KIF13B: variants seen among roughly 807,000 people sequenced by gnomAD.
KIF13B encodes kinesin family member 13B.
In KIF13B, 127 loss-of-function variants were observed where a neutral mutation model predicts 222.0. The ratio of observed to expected loss-of-function variants is 0.57; its 90% CI spans 0.50 to 0.66. KIF13B has a LOEUF of 0.66. Among genes scored for constraint, KIF13B ranks in the 30% least tolerant of loss-of-function variants. The pLI, the probability that KIF13B is intolerant of heterozygous loss-of-function variation, is 0.00. For synonymous variants in KIF13B, 976 were observed against 919.0 expected, an observed-to-expected ratio of 1.06 and a Z score of -1.12; for missense variants, 2,173 against 2,379.0, an observed-to-expected ratio of 0.91 and a Z score of 1.80.
intron 2 of KIF13B, among the ~76,000 whole-genome samples, chr8:29,229,328 A>T (rs1815182753): frequency 6.6e-6 from 1 of 152,162 alleles, no homozygotes; most frequent in African/African-American, 2.4e-5. Context: ...GCTTAGGCAG[A>T]TCTGAGTTCA....
At chr8:29,260,168 A>G (rs1436027456) in intron 1 of KIF13B, among the ~76,000 whole-genome samples, 1 of 152,228 alleles carries the variant, frequency 6.6e-6, no homozygotes, top group Non-Finnish European at 1.5e-5. Flanking sequence ...CATACAGTTT[A>G]GCAGAAAGAC....
At chr8:29,150,566 T>C (rs1811252967) in intron 14 of KIF13B, among the ~76,000 whole-genome samples, 183 bp from the exon 15 acceptor site, 1 of 152,238 alleles carries the variant, frequency 6.6e-6, no homozygotes, top group South Asian at 2.1e-4. Context: ...ATGTTTATGG[T>C]ACAAAGCACA....
In KIF13B at chr8:29,147,482, G is replaced by C. The variant is rs780450879; in HGVS notation, c.1934C>G (p.Ser645Cys). ...HELEQLRRRLSPEKQNCRSMD... is the reference protein window; with the variant it reads ...HELEQLRRRLCPEKQNCRSMD... ...GCTCCGGCAGTTCTGCTTCTCAGGA[G>C]ACAGCCTTCTCCGGAGCTGCTCCAA... Residue 645 changes from serine to cysteine, a missense_variant, in exon 17 of 40, where the codon TCT (serine) becomes TGT (cysteine). Coordinates refer to ENST00000524189, the MANE Select transcript of KIF13B (RefSeq NM_015254.4). 3.1e-6 allele frequency: 5 copies of C among 1,613,476 alleles called. No homozygotes were observed. The highest frequency in any genetic ancestry group is 4.2e-6 in the Non-Finnish European group (5 of 1,179,736).
intron 2 of KIF13B, among the ~76,000 whole-genome samples, chr8:29,217,037 C>T (rs925845767): frequency 2.0e-5 from 3 of 152,026 alleles, no homozygotes; most frequent in Non-Finnish European, 4.4e-5. Context: ...CCTCATGTTT[C>T]CATGTGGAAG....
intron 2 of KIF13B, among the ~76,000 whole-genome samples, chr8:29,203,472 T>C (rs564588310): frequency 8.5e-5 from 13 of 152,330 alleles, no homozygotes; most frequent in Non-Finnish European, 1.5e-4. Context: ...AGAAGTATTA[T>C]GGGGAAAATA....
At chr8:29,196,243 T>C in intron 2 of KIF13B, 44 bp from the exon 3 acceptor site, 1 of 1,377,104 alleles carries the variant, frequency 7.3e-7, no homozygotes, top group Non-Finnish European at 9.5e-7. Context: ...GAAAGAAAAG[T>C]TAAAAAAAAA....
At chr8:29,100,273 C>T (rs1033908892) in intron 35 of KIF13B, among the ~76,000 whole-genome samples, 29 of 152,284 alleles carry the variant, frequency 1.9e-4, no homozygotes, top group African/African-American at 5.5e-4. Flanking sequence ...AACTTCAGCC[C>T]TATCTAGGGA....
At chr8:29,183,626 T>G (rs1314602121) in intron 6 of KIF13B, among the ~76,000 whole-genome samples, 1 of 152,206 alleles carries the variant, frequency 6.6e-6, no homozygotes, top group Non-Finnish European at 1.5e-5. Context: ...TATAATAAAC[T>G]TTGGGCTCTA....
At chr8:29,201,202 C>T (rs1813677994) in intron 2 of KIF13B, among the ~76,000 whole-genome samples, 1 of 152,168 alleles carries the variant, frequency 6.6e-6, no homozygotes, top group Admixed American at 6.5e-5. Context: ...GGTGGATGAC[C>T]ATGGATGAAT....
intron 2 of KIF13B, among the ~76,000 whole-genome samples, chr8:29,230,382 T>C (rs550994105): frequency 2.6e-5 from 4 of 152,256 alleles, no homozygotes; most frequent in Non-Finnish European, 5.9e-5. Flanking sequence ...AATCTATAAA[T>C]TGGCCTATCC....
chr8:29,100,612 T>G (rs886134286), intron 35 of KIF13B, among the ~76,000 whole-genome samples: 15 of 152,246 alleles, frequency 9.9e-5, no homozygotes, highest in Middle Eastern at 3.4e-3. Flanking sequence ...CCCGGCTAAT[T>G]TTGTATTTTT....
intron 2 of KIF13B, among the ~76,000 whole-genome samples, chr8:29,213,525 T>C (rs1814326241): frequency 6.6e-6 from 1 of 152,352 alleles, no homozygotes; most frequent in Middle Eastern, 3.4e-3. Context: ...AATGTATTTA[T>C]ACAAACACAG....
intron 1 of KIF13B, among the ~76,000 whole-genome samples, chr8:29,252,083 A>G (rs1816307810): frequency 6.6e-6 from 1 of 152,124 alleles, no homozygotes; most frequent in African/African-American, 2.4e-5. Flanking sequence ...GGGAGGAAGG[A>G]AAAAAAGGAA....
At chr8:29,075,792 A>G (rs913711296) in intron 37 of KIF13B, among the ~76,000 whole-genome samples, 2 of 152,138 alleles carry the variant, frequency 1.3e-5, no homozygotes, top group African/African-American at 4.8e-5. Flanking sequence ...ACAAACCCAG[A>G]GCCCAAGATG....
chr8:29,229,761 T>A (rs1347373012), intron 2 of KIF13B, among the ~76,000 whole-genome samples: 1 of 152,164 alleles, frequency 6.6e-6, no homozygotes, highest in East Asian at 1.9e-4. Context: ...TAAATAAACA[T>A]CTTACAGTTG....
chr8:29,253,808 T>C (rs1175761141), intron 1 of KIF13B, among the ~76,000 whole-genome samples: 17 of 114,170 alleles, frequency 1.5e-4, no homozygotes, highest in Non-Finnish European at 2.6e-4. Context: ...CCAGCCTGGG[T>C]GAGAAGAGTG....
chr8:29,100,401 G>A (rs771097766), intron 35 of KIF13B, among the ~76,000 whole-genome samples: 1 of 152,008 alleles, frequency 6.6e-6, no homozygotes, highest in Non-Finnish European at 1.5e-5. Flanking sequence ...TACCACTGGA[G>A]TTTAATAATC....
In KIF13B at chr8:29,071,757, G is replaced by T. The variant is rs1022102959; in HGVS notation, c.5081C>A (p.Ala1694Asp). ...TCGGAGCCACTCCGGGACCTCGTCA[G>T]CTTCCTCGGAATCAGAGGCCAGGGC... is the stretch of plus-strand genomic sequence containing the variant. The part of the protein sequence containing the change: ...GQALASDSEE[A>D]DEVPEWLREG... Residue 1694 changes from alanine (A) to aspartate (D), a missense_variant, in exon 39 of 40, where the codon GCT (alanine) becomes GAT (aspartate). Around this residue, in one of 2 missense-constraint regions of KIF13B, gnomAD observed 693 missense variants for 656.2 expected, o/e 1.06. Transcript: ENST00000524189. The surrounding 1 kb of genome is among the most constrained non-coding windows in gnomAD (Gnocchi z 4.9). The T allele has an allele frequency of 6.5e-7, 1 of 1,549,458 alleles. No homozygotes were observed. Among genetic ancestry groups the T allele is most frequent in the Non-Finnish European group, 8.7e-7 (1 of 1,146,634 alleles).
intron 2 of KIF13B, among the ~76,000 whole-genome samples, chr8:29,215,229 T>C (rs1471195091): frequency 1.3e-5 from 2 of 151,990 alleles, no homozygotes; most frequent in Admixed American, 6.6e-5. Flanking sequence ...GGAGGGAAGA[T>C]AGAGGGCAGA....
Sources: gnomAD v4.1 joint callset for allele counts (sites outside exome capture counted in the v4.1 genomes callset) on GRCh38, gnomAD v4.1.1 for gene constraint, gnomAD v4.1.1 regional missense constraint, Gnocchi (gnomAD v3.1) non-coding constraint, MANE v1.5 for transcripts, NCBI Gene and HGNC (gene_info 2026-07-23, HGNC 2026-07-21) for gene names.